Variants in ANKS1B observed in about 807,000 individuals in gnomAD.
ANKS1B encodes the protein ankyrin repeat and sterile alpha motif domain-containing protein 1B.
Under a neutral mutation model 148.3 loss-of-function variants are expected in ANKS1B, and 36 were observed. That is an observed-to-expected ratio of 0.24 (90% confidence interval 0.19 to 0.32). The LOEUF (loss-of-function observed/expected upper bound fraction) is 0.32. ANKS1B is among the 10% of genes least tolerant of loss of function. ANKS1B has a pLI of 1.00. For missense variants in ANKS1B, 1,157 were observed against 1,542.6 expected (o/e 0.75, Z 4.19); for synonymous variants, 542 against 560.8 (o/e 0.97, Z 0.47).
chr12:99,153,135 G>A (rs1328262584), intron 15 of ANKS1B, among the ~76,000 whole-genome samples: 1 of 151,780 alleles, frequency 6.6e-6, no homozygotes, highest in Admixed American at 6.6e-5. Context: ...AAAAACTCTT[G>A]GGCATACATA....
chr12:99,463,167 C>A (rs892747884), intron 10 of ANKS1B, among the ~76,000 whole-genome samples: 5 of 152,180 alleles, frequency 3.3e-5, no homozygotes, highest in Non-Finnish European at 7.3e-5. Flanking sequence ...AAGAAAAGTA[C>A]AAATAAATGT....
intron 8 of ANKS1B, among the ~76,000 whole-genome samples, chr12:99,701,988 C>G (rs1032936176): frequency 6.6e-6 from 1 of 152,244 alleles, no homozygotes; most frequent in Non-Finnish European, 1.5e-5. Flanking sequence ...ATGAATAGTG[C>G]TGCTGTAAAC....
At chr12:98,805,940 C>A (rs375968381) in intron 20 of ANKS1B, among the ~76,000 whole-genome samples, 1 of 152,198 alleles carries the variant, frequency 6.6e-6, no homozygotes, top group African/African-American at 2.4e-5. Flanking sequence ...GGCACAATCT[C>A]GGTTCATTGC....
chr12:98,973,223 A>T (rs542280398), intron 17 of ANKS1B, among the ~76,000 whole-genome samples: 8 of 136,786 alleles, frequency 5.8e-5, no homozygotes, highest in East Asian at 4.1e-4. Context: ...CAAAAAAAAA[A>T]AATAATAAAG....
chr12:99,086,053 G>A (rs183574061), intron 15 of ANKS1B, among the ~76,000 whole-genome samples: 1 of 152,238 alleles, frequency 6.6e-6, no homozygotes, highest in Non-Finnish European at 1.5e-5. Flanking sequence ...ACCAGATCAC[G>A]ATATGAAGAT....
chr12:99,525,185 G>A (rs1385264568), intron 9 of ANKS1B, among the ~76,000 whole-genome samples: 1 of 152,118 alleles, frequency 6.6e-6, no homozygotes, highest in African/African-American at 2.4e-5. Flanking sequence ...ACCAGCAGAA[G>A]GCATCACACA....
intron 17 of ANKS1B, among the ~76,000 whole-genome samples, chr12:98,908,163 T>C (rs1452264248): frequency 6.6e-6 from 1 of 152,078 alleles, no homozygotes; most frequent in Non-Finnish European, 1.5e-5. Flanking sequence ...CTGCTGTGGG[T>C]TGGGAGTGGT....
chr12:99,412,094 T>C (rs1234728267), intron 11 of ANKS1B, among the ~76,000 whole-genome samples: 2 of 152,174 alleles, frequency 1.3e-5, no homozygotes, highest in Non-Finnish European at 2.9e-5. Flanking sequence ...AAGTATTCCA[T>C]TTTTAAAATA....
chr12:99,210,076 G>T lies in ANKS1B; in HGVS notation c.2419+34266C>A, dbSNP rs369332204. 4.6e-5 allele frequency among the ~76,000 whole-genome samples: 7 copies of T among 152,048 alleles called. No individual in the cohort carries two copies. In the East Asian group the frequency reaches 5.8e-4, roughly 13 times the overall value. On this transcript the variant is annotated intron_variant, in intron 14 of 26. Coordinates refer to ENST00000683438, the MANE Select transcript of ANKS1B (RefSeq NM_001352186.2). The stretch of plus-strand genomic sequence containing the variant: ...CAAAATTGGCCAGAAGCCCCTCTCA[G>T]GTTTAGTCTCCAAAATAAACCTTTG...
At chr12:99,633,402 A>G (rs1214869308) in intron 9 of ANKS1B, among the ~76,000 whole-genome samples, 1 of 152,224 alleles carries the variant, frequency 6.6e-6, no homozygotes, top group African/African-American at 2.4e-5. Flanking sequence ...TCCCTATTTA[A>G]TAAATGGTGC....
chr12:99,141,141 T>C (rs2070596609), intron 15 of ANKS1B, among the ~76,000 whole-genome samples: 3 of 152,116 alleles, frequency 2.0e-5, no homozygotes, highest in Admixed American at 6.6e-5. Context: ...TTCTACCTAA[T>C]CATTCCTTTC....
chr12:99,329,900 T>A (rs1342690882), intron 12 of ANKS1B, among the ~76,000 whole-genome samples: 1 of 151,934 alleles, frequency 6.6e-6, no homozygotes, highest in Admixed American at 6.6e-5. Flanking sequence ...CATCATATGA[T>A]GTATTAATAA....
chr12:99,948,148 T>G (rs1305051150), intron 1 of ANKS1B, among the ~76,000 whole-genome samples: 2 of 152,142 alleles, frequency 1.3e-5, no homozygotes, highest in Non-Finnish European at 2.9e-5. Flanking sequence ...TCCTAGAAAT[T>G]ATGGCAGAAA....
intron 14 of ANKS1B, among the ~76,000 whole-genome samples, chr12:99,209,663 G>A (rs1054602336): frequency 1.3e-5 from 2 of 152,144 alleles, no homozygotes; most frequent in Non-Finnish European, 2.9e-5. Context: ...ATGAGAACTT[G>A]ATGATTTCAT....
At chr12:99,121,321 A>ATGTGTG (rs57560069) in intron 15 of ANKS1B, among the ~76,000 whole-genome samples, 4,691 of 142,758 alleles carry the variant, frequency 0.033, 127 homozygotes, top group Middle Eastern at 0.063. Flanking sequence ...GTATGTAGGT[A>ATGTGTG]TGTGTGTGTG....
chr12:99,157,621 A>C (rs139970820), intron 14 of ANKS1B, among the ~76,000 whole-genome samples: 1 of 152,100 alleles, frequency 6.6e-6, no homozygotes, highest in Non-Finnish European at 1.5e-5. Flanking sequence ...TGCACAAAAC[A>C]TAGAGAGTGG....
rs535582850 is a variant in ANKS1B, at chr12:99,272,562, C to T, written c.1757-25698G>A. Among the ~76,000 whole-genome samples the T allele has an allele frequency of 3.3e-5, 5 of 152,282 alleles. No homozygotes were observed. In the South Asian group the frequency reaches 6.2e-4, roughly 19 times the overall value. On this transcript the variant is annotated intron_variant, in intron 12 of 26. Coordinates refer to ENST00000683438, the MANE Select transcript of ANKS1B (RefSeq NM_001352186.2). ...TTTATCCTGATTTGACCAATACACA[C>T]TGTACACAGGTATCAAAATATTACA...
intron 15 of ANKS1B, among the ~76,000 whole-genome samples, chr12:99,101,827 G>T (rs2153677954): frequency 6.6e-6 from 1 of 152,298 alleles, no homozygotes; most frequent in African/African-American, 2.4e-5. Context: ...CTCCCAAGGT[G>T]CTGGGATTAC....
At chr12:99,566,273 A>G (rs1409406549) in intron 9 of ANKS1B, among the ~76,000 whole-genome samples, 1 of 152,176 alleles carries the variant, frequency 6.6e-6, no homozygotes, top group Non-Finnish European at 1.5e-5. Context: ...CAACTTCAAT[A>G]CTTTGCTTGA....
Sources: allele counts gnomAD v4.1 joint callset (sites outside exome capture counted in the v4.1 genomes callset), GRCh38; gene constraint gnomAD v4.1.1; transcripts MANE v1.5; gene names NCBI Gene and HGNC (gene_info 2026-07-23, HGNC 2026-07-21).